The following MAK variants were observed in gnomAD, a reference collection of about 807,000 sequenced individuals.
MAK encodes serine/threonine-protein kinase MAK.
In MAK, 65 loss-of-function variants were observed where a neutral mutation model predicts 82.6. The observed-to-expected ratio is 0.79, with a 90% CI of 0.64 to 0.97. The LOEUF is 0.97. Ranked by LOEUF, MAK falls within the 50% of genes least tolerant of loss-of-function variation. MAK has a pLI of 0.00. For synonymous variants in MAK, 250 were observed against 274.2 expected (o/e 0.91, Z 0.87); for missense variants, 703 against 780.2 (o/e 0.90, Z 1.18).
rs73721393 is a variant in MAK at position 10,820,198 on chromosome 6, G to A, written c.102-1258C>T. Among the ~76,000 whole-genome samples, 935 of 152,198 alleles carry A rather than the reference G, an allele frequency of 6.1e-3. 10 individuals carry two copies. Among genetic ancestry groups the A allele is most frequent in the African/African-American group, 0.021 (882 of 41,532 alleles). On this transcript the variant is annotated intron_variant, in intron 2 of 14. Coordinates refer to ENST00000354489, the MANE Select transcript of MAK (RefSeq NM_001242957.3). The stretch of plus-strand genomic sequence containing the variant: ...AATTATAAGGCTGGGCTGTGAAAAA[G>A]AAAAACCAAATATGCCATGCTGCTT...
intron 2 of MAK, 136 bp from the exon 3 acceptor site, chr6:10,819,076 A>G (rs576216062): frequency 2.8e-5 from 19 of 672,266 alleles, no homozygotes; most frequent in Non-Finnish European, 5.2e-5. Flanking sequence ...TTATAAGGAA[A>G]TCACCTCCTA....
intron 14 of MAK, among the ~76,000 whole-genome samples, chr6:10,764,947 T>C (rs474669): frequency 0.83 from 125,778 of 151,562 alleles, 52,555 homozygotes; most frequent in African/African-American, 0.93. Flanking sequence ...ACAAAAAAAA[T>C]CAGCTGAGCG....
chr6:10,784,702 A>G, intron 10 of MAK, 130 bp from the exon 11 acceptor site: 1 of 842,812 alleles, frequency 1.2e-6, no homozygotes, highest in Non-Finnish European at 2.0e-6. Context: ...AATGGTTTCC[A>G]TCAGTCTTTT....
At chr6:10,836,340 A>G (rs996134538) in intron 1 of MAK, among the ~76,000 whole-genome samples, 1 of 152,226 alleles carries the variant, frequency 6.6e-6, no homozygotes, top group Non-Finnish European at 1.5e-5. Context: ...GCTTCTTTTG[A>G]ACTACATTAA....
At position 10,813,082 on chromosome 6, in the gene MAK, A is replaced by ATT. The variant is rs1379792812; in HGVS notation, c.358+560_358+561dup. Among the ~76,000 whole-genome samples, 21 of 32,542 alleles carry ATT rather than the reference A, an allele frequency of 6.5e-4. 1 individual carries two copies. The highest frequency in any genetic ancestry group is 1.7e-3 in the African/African-American group (20 of 11,456). 21.3% of individuals were successfully genotyped at this position (32,542 alleles called of 152,430 possible). On this transcript the variant is annotated intron_variant, in intron 5 of 14. Transcript: ENST00000354489. ...GGCCTGGTATGTATGTATGTTATGTATTTTTATATATATATATATATATAT... is the reference window on the plus strand; with the variant it reads ...GGCCTGGTATGTATGTATGTTATGTATTTTTTTATATATATATATATATATAT...
chr6:10,803,482 T>A (rs1776168040), intron 7 of MAK, among the ~76,000 whole-genome samples: 2 of 150,818 alleles, frequency 1.3e-5, no homozygotes, highest in Non-Finnish European at 2.9e-5. Context: ...GAGGTGGAGG[T>A]TGCAGTGAGC....
chr6:10,773,482 A>G (rs962316513), intron 12 of MAK, among the ~76,000 whole-genome samples: 10 of 152,228 alleles, frequency 6.6e-5, no homozygotes, highest in African/African-American at 2.4e-4. Context: ...TTGATGTCAC[A>G]TCAGAATATC....
chr6:10,808,225 T>C (rs1378257510), intron 6 of MAK, among the ~76,000 whole-genome samples: 1 of 152,180 alleles, frequency 6.6e-6, no homozygotes. Flanking sequence ...AATGAAATCA[T>C]ATGGTATGTG....
At chr6:10,775,481 C>G in intron 11 of MAK, 22 bp from the exon 12 acceptor site, 1 of 1,610,248 alleles carries the variant, frequency 6.2e-7, no homozygotes, top group Non-Finnish European at 8.5e-7. Context: ...AAAACAACCA[C>G]TTCAAAGGTT....
In MAK at chr6:10,780,109, C is replaced by T. The variant is rs992710106; in HGVS notation, c.1465+4315G>A. 2.3e-5 allele frequency: 5 copies of T among 214,730 alleles called. 1 individual carries two copies. The South Asian group carries it at 8.3e-4, about 35-fold the overall frequency. The allele number at this position is 214,730 out of a possible 1,614,324, so 13.3% of individuals were successfully genotyped here. A position where few individuals can be genotyped will look rare whatever the true frequency, so the allele number is the denominator to read the frequency against. On this transcript the variant is annotated intron_variant, in intron 11 of 14. Coordinates refer to ENST00000354489, the MANE Select transcript of MAK (RefSeq NM_001242957.3). Reference sequence around the variant, plus strand: ...GATTCTAGTTTTAAATTTCATCCAGCTCCAGAGGGGTCATCTTCAAAACCA... The same window carrying T: ...GATTCTAGTTTTAAATTTCATCCAGTTCCAGAGGGGTCATCTTCAAAACCA...
rs763109722 is a variant in MAK, at chr6:10,770,043, T to C, written c.1792+68A>G. ...TCTTCGCTTGGGAAAAGTGACTGCA[T>C]AAACTTAAAAAGGAAAATGTTCCTT... On this transcript the variant is annotated intron_variant, in intron 14 of 14. Coordinates refer to ENST00000354489, the MANE Select transcript of MAK (RefSeq NM_001242957.3). 2.5e-6 allele frequency: 4 copies of C among 1,613,098 alleles called. No homozygotes were observed. The South Asian group carries it at 4.4e-5, about 18-fold the overall frequency.
At position 10,830,544 on chromosome 6, in the gene MAK, G is replaced by A; in HGVS notation, c.101+4C>T. On this transcript the variant is annotated splice_donor_region_variant and intron_variant, in intron 2 of 14. Coordinates refer to ENST00000354489, the MANE Select transcript of MAK (RefSeq NM_001242957.3). ...GGTGAAGTTGGCAGTGTCACACACA[G>A]TACCTTTTGATGGCCACCAGCTCCC... The A allele has an allele frequency of 1.2e-6, 2 of 1,611,410 alleles. No individual in the cohort carries two copies. The highest frequency in any genetic ancestry group is 1.7e-6 in the Non-Finnish European group (2 of 1,177,558).
chr6:10,790,228 C>T (rs1489896340), intron 10 of MAK, among the ~76,000 whole-genome samples: 1 of 152,064 alleles, frequency 6.6e-6, no homozygotes, highest in East Asian at 1.9e-4. Flanking sequence ...ATGTGAAGAC[C>T]TGGAAACGGA....
Position 10,776,450 on chromosome 6 carries a change from C to G in MAK, c.1466-991G>C, listed in dbSNP as rs146370792. ...ACTTCTTGAGCTTGTTTTCTTTTCA[C>G]TGATAATTAAATTAGAGTGAACTTG... On this transcript the variant is annotated intron_variant, in intron 11 of 14. Transcript: ENST00000354489. This position sits in a 1 kb window ranked among gnomAD's most constrained non-coding sequence, Gnocchi z 4.3. Among the ~76,000 whole-genome samples, 3 of 152,044 alleles carry G rather than the reference C, an allele frequency of 2.0e-5. No individual in the cohort carries two copies. The highest frequency in any genetic ancestry group is 6.6e-5 in the Admixed American group (1 of 15,266).
intron 2 of MAK, among the ~76,000 whole-genome samples, chr6:10,830,270 A>G (rs1021983192): frequency 6.7e-6 from 1 of 149,144 alleles, no homozygotes; most frequent in African/African-American, 2.5e-5. Context: ...GGTTCAAGCA[A>G]TTCTCCTGCC....
chr6:10,803,949 C>T, intron 6 of MAK, 58 bp from the exon 7 acceptor site: 2 of 1,421,214 alleles, frequency 1.4e-6, no homozygotes, highest in South Asian at 2.3e-5. Flanking sequence ...GGTGGATGGG[C>T]AGTAGCATTC....
chr6:10,764,418 G>C lies in MAK; in HGVS notation c.*34C>G, dbSNP rs78074137. On this transcript the variant is annotated 3_prime_UTR_variant, in exon 15 of 15. Transcript: ENST00000354489. The stretch of plus-strand genomic sequence containing the variant: ...GTCAAGGAACTTGCACGTACTCTAC[G>C]GAGCAATGCTGTAGGGTTTCACACC... The C allele has an allele frequency of 1.2e-6, 2 of 1,608,064 alleles. No individual in the cohort carries two copies. Among genetic ancestry groups the C allele is most frequent in the Non-Finnish European group, 1.7e-6 (2 of 1,175,438 alleles).
At position 10,830,510 on chromosome 6, in the gene MAK, G is replaced by A. The variant is rs767062883; in HGVS notation, c.101+38C>T. 2.7e-6 allele frequency: 4 copies of A among 1,504,486 alleles called. No homozygotes were observed. The African/African-American group carries it at 5.5e-5, about 21-fold the overall frequency. 93.2% of individuals were successfully genotyped at this position (1,504,486 alleles called of 1,614,324 possible). A position where few individuals can be genotyped will look rare whatever the true frequency, so the allele number is the denominator to read the frequency against. ...CGAGGACAGGAAAATAAAGAGCAGA[G>A]TTTTCAAAGGTGAAGTTGGCAGTGT... On this transcript the variant is annotated intron_variant, in intron 2 of 14. Transcript: ENST00000354489.
rs1554184483 is a variant in MAK, at chr6:10,815,912, G to GTGTGTA, written c.278+1937_278+1938insTACACA. Among the ~76,000 whole-genome samples the GTGTGTA allele has an allele frequency of 4.3e-3, 466 of 108,258 alleles. 3 individuals carry two copies. The highest frequency in any genetic ancestry group is 0.019 in the African/African-American group (418 of 21,768). 71.0% of individuals were successfully genotyped at this position (108,258 alleles called of 152,430 possible). A position where few individuals can be genotyped will look rare whatever the true frequency, so the allele number is the denominator to read the frequency against. On this transcript the variant is annotated intron_variant, in intron 4 of 14. Coordinates refer to ENST00000354489, the MANE Select transcript of MAK (RefSeq NM_001242957.3). ...TACTGTATTAGTGTAGCTTTATACA[G>GTGTGTA]TATATATATATATATATATATATAT...
Sources: allele counts gnomAD v4.1 joint callset (sites outside exome capture counted in the v4.1 genomes callset), GRCh38; gene constraint gnomAD v4.1.1; non-coding constraint Gnocchi (gnomAD v3.1); transcripts MANE v1.5; gene names NCBI Gene and HGNC (gene_info 2026-07-23, HGNC 2026-07-21).